PSD3: variants seen among roughly 807,000 people sequenced by gnomAD.
PSD3 encodes the protein pleckstrin and Sec7 domain containing 3, also known as PH and SEC7 domain-containing protein 3.
PSD3 carries 49 observed loss-of-function variants against 105.5 expected under a neutral mutation model. The ratio of observed to expected loss-of-function variants is 0.46; its 90% confidence interval spans 0.37 to 0.59. The LOEUF (loss-of-function observed/expected upper bound fraction) is 0.59, where lower values mean the gene tolerates loss of function less well. Among genes scored for constraint, PSD3 ranks in the 20% least tolerant of loss-of-function variants. The pLI is 0.00. For missense variants in PSD3, 1,561 were observed against 1,263.8 expected, an observed-to-expected ratio of 1.24 and a Z score of -3.57; for synonymous variants, 557 against 457.8, an observed-to-expected ratio of 1.22 and a Z score of -2.77.
At chr8:19,056,689 A>G (rs7005102) in intron 1 of PSD3, among the ~76,000 whole-genome samples, 73,325 of 152,120 alleles carry the variant, frequency 0.48, 18,442 homozygotes, top group Middle Eastern at 0.66. Context: ...TAGGTTCCAC[A>G]TTGGGAAGCT....
At chr8:18,936,335 T>C (rs1452035422) in intron 1 of PSD3, among the ~76,000 whole-genome samples, 193 bp from the exon 2 acceptor site, 2 of 152,206 alleles carry the variant, frequency 1.3e-5, no homozygotes, top group Admixed American at 6.5e-5. Flanking sequence ...TGCATGATTA[T>C]AGCTATATAA....
intron 1 of PSD3, among the ~76,000 whole-genome samples, chr8:19,013,263 T>A (rs1827037930): frequency 1.3e-5 from 2 of 150,526 alleles, no homozygotes; most frequent in African/African-American, 4.9e-5. Flanking sequence ...GCATACGAGG[T>A]CCTCTTTCAT....
intron 1 of PSD3, among the ~76,000 whole-genome samples, chr8:19,025,691 G>T (rs1335844866): frequency 6.6e-6 from 1 of 152,178 alleles, no homozygotes; most frequent in Non-Finnish European, 1.5e-5. Flanking sequence ...CTGAATTGGG[G>T]AAAGTCTTGT....
At chr8:18,899,062 A>G (rs1819330495) in intron 2 of PSD3, among the ~76,000 whole-genome samples, 1 of 152,208 alleles carries the variant, frequency 6.6e-6, no homozygotes, top group African/African-American at 2.4e-5. Flanking sequence ...GAAGTCAAAA[A>G]CAGTCTGGAA....
In PSD3 at chr8:18,795,681, T is replaced by C. The variant is rs181757233; in HGVS notation, c.2082+3614A>G. On this transcript the variant is annotated intron_variant, in intron 8 of 15. Transcript: ENST00000327040. ...TTAGAACACCAGCCCTGGGTGATAA[T>C]CCTGCCAGGACGGTAGGAACCTGAC... 1.9e-3 allele frequency among the ~76,000 whole-genome samples: 291 copies of C among 152,288 alleles called. 4 individuals carry two copies. The highest frequency in any genetic ancestry group is 2.1e-4 in the Non-Finnish European group (14 of 68,026).
intron 1 of PSD3, among the ~76,000 whole-genome samples, chr8:19,059,480 A>C (rs6982849): frequency 0.39 from 58,862 of 152,028 alleles, 12,356 homozygotes; most frequent in East Asian, 0.63. Flanking sequence ...CAGAACAAGA[A>C]ACTAGCCCCA....
intron 4 of PSD3, among the ~76,000 whole-genome samples, chr8:18,865,795 G>C (rs1369943481): frequency 6.6e-6 from 1 of 152,170 alleles, no homozygotes; most frequent in Non-Finnish European, 1.5e-5. Flanking sequence ...TGACACAGCT[G>C]AAACTTTATC....
intron 1 of PSD3, among the ~76,000 whole-genome samples, chr8:18,950,580 C>T (rs1457200082): frequency 6.6e-6 from 1 of 152,148 alleles, no homozygotes; most frequent in Non-Finnish European, 1.5e-5. Flanking sequence ...CTTTCTGTTT[C>T]TATCAGTTCA....
intron 15 of PSD3, among the ~76,000 whole-genome samples, chr8:18,553,895 C>T: frequency 6.6e-6 from 1 of 152,274 alleles, no homozygotes; most frequent in South Asian, 2.1e-4. Flanking sequence ...ACAAGTCAAC[C>T]TGCTTGACAT....
At chr8:18,813,144 G>C (rs1811846347) in intron 4 of PSD3, among the ~76,000 whole-genome samples, 1 of 152,148 alleles carries the variant, frequency 6.6e-6, no homozygotes, top group African/African-American at 2.4e-5. Flanking sequence ...GGGATGAGTG[G>C]CTTGAGATGT....
intron 9 of PSD3, among the ~76,000 whole-genome samples, chr8:18,728,993 G>A (rs1465670373): frequency 6.6e-6 from 1 of 152,104 alleles, no homozygotes; most frequent in Non-Finnish European, 1.5e-5. Context: ...CAAAATGTCT[G>A]TTCAAAAAAT....
intron 12 of PSD3, among the ~76,000 whole-genome samples, chr8:18,594,391 A>G (rs1273482273): frequency 1.7e-5 from 2 of 114,868 alleles, no homozygotes; most frequent in African/African-American, 7.5e-5. Flanking sequence ...TACATTATAT[A>G]TAATATATTA....
At chr8:18,702,305 T>C (rs1388185451) in intron 9 of PSD3, among the ~76,000 whole-genome samples, 1 of 152,210 alleles carries the variant, frequency 6.6e-6, no homozygotes, top group East Asian at 1.9e-4. Flanking sequence ...AATTTTTTGG[T>C]GTGTGTTTAT....
intron 1 of PSD3, among the ~76,000 whole-genome samples, chr8:19,040,201 A>G (rs1394913310): frequency 6.6e-6 from 1 of 152,004 alleles, no homozygotes; most frequent in African/African-American, 2.4e-5. Flanking sequence ...GTTAAATTTT[A>G]TTTTATTTAT....
chr8:18,788,108 A>G (rs1237428275), intron 8 of PSD3, among the ~76,000 whole-genome samples: 1 of 152,158 alleles, frequency 6.6e-6, no homozygotes, highest in Non-Finnish European at 1.5e-5. Flanking sequence ...TAACTTGTCT[A>G]CCCCTTGTCT....
At chr8:18,954,903 C>A (rs1414785454) in intron 1 of PSD3, among the ~76,000 whole-genome samples, 1 of 152,142 alleles carries the variant, frequency 6.6e-6, no homozygotes, top group African/African-American at 2.4e-5. Flanking sequence ...GTTCAATGAA[C>A]TGCATCAACT....
chr8:18,967,153 T>C, intron 1 of PSD3, among the ~76,000 whole-genome samples: 1 of 114,782 alleles, frequency 8.7e-6, no homozygotes. Context: ...TTCTTTTTTC[T>C]TTATTTATTT....
chr8:18,535,662 A>T lies in PSD3; in HGVS notation c.*81T>A. 2 of 1,176,720 alleles carry T rather than the reference A, an allele frequency of 1.7e-6. No homozygotes were observed. Among genetic ancestry groups the T allele is most frequent in the Non-Finnish European group, 2.5e-6 (2 of 815,600 alleles). 72.9% of individuals were successfully genotyped at this position (1,176,720 alleles called of 1,614,324 possible). On this transcript the variant is annotated 3_prime_UTR_variant, in exon 16 of 16. Coordinates refer to ENST00000327040, the MANE Select transcript of PSD3 (RefSeq NM_015310.4). ...TTTTGTCACAGACTTTTTTTTTTTA[A>T]ATATATTCACGGATTACCAGAAAGA... is the stretch of plus-strand genomic sequence containing the variant.
intron 14 of PSD3, among the ~76,000 whole-genome samples, chr8:18,564,838 G>A (rs986511945): frequency 1.3e-5 from 2 of 152,026 alleles, no homozygotes; most frequent in Admixed American, 1.3e-4. Context: ...AGGAGGGGTG[G>A]GGGTTACTTC....
Sources: gnomAD v4.1 joint callset for allele counts (sites outside exome capture counted in the v4.1 genomes callset) on GRCh38, gnomAD v4.1.1 for gene constraint, MANE v1.5 for transcripts, NCBI Gene and HGNC (gene_info 2026-07-23, HGNC 2026-07-21) for gene names.